The following LGALS3BP variants were observed in gnomAD, a reference collection of about 807,000 sequenced individuals.
The protein encoded by LGALS3BP is galectin-3-binding protein.
Under a neutral mutation model 22.9 loss-of-function variants are expected in LGALS3BP, and 25 were observed. That is an observed-to-expected ratio of 1.09 (90% CI 0.80 to 1.53). The LOEUF is 1.53. LGALS3BP is among the 40% of genes most tolerant of loss of function. The pLI is 0.00. For synonymous variants in LGALS3BP, 335 were observed against 331.1 expected (o/e 1.01, Z -0.13); for missense variants, 718 against 752.0 (o/e 0.95, Z 0.53).
intron 1 of LGALS3BP, among the ~76,000 whole-genome samples, chr17:78,979,073 AGGG>A (rs35058687): frequency 3.4e-5 from 5 of 148,152 alleles, no homozygotes; most frequent in Middle Eastern, 3.4e-3. Flanking sequence ...CAAAAAAAAA[AGGG>A]GGGGGGGCAA....
rs1463866838 is a variant in LGALS3BP, at chr17:78,971,598, G to T, written c.1736C>A (p.Thr579Asn). 6.2e-7 allele frequency: 1 copy of T among 1,613,498 alleles called. No individual in the cohort carries two copies. The highest frequency in any genetic ancestry group is 1.7e-5 in the Admixed American group (1 of 60,020). ...FRTVIRPFYLTNSSGVD is the reference protein window; with the variant it reads ...FRTVIRPFYLNNSSGVD ...CGTCTAGTCCACACCTGAGGAGTTG[G>T]TCAGGTAGAAGGGGCGGATGACCGT... is the stretch of plus-strand genomic sequence containing the variant. Residue 579 changes from threonine to asparagine, a missense_variant, in exon 6 of 6, where the codon ACC becomes AAC. Thr to Asn is a moderately conservative substitution (Grantham distance 65). Transcript: ENST00000262776. The surrounding 1 kb of genome is among the most constrained non-coding windows in gnomAD (Gnocchi z 5.6).
At chr17:78,978,739 C>A (rs181301310) in intron 1 of LGALS3BP, among the ~76,000 whole-genome samples, 2 of 152,168 alleles carry the variant, frequency 1.3e-5, no homozygotes, top group Non-Finnish European at 2.9e-5. Flanking sequence ...TAGGTTTGTC[C>A]GTCCTGGGAG....
chr17:78,973,395 G>T lies in LGALS3BP; in HGVS notation c.377-173C>A, dbSNP rs2070692999. On this transcript the variant is annotated intron_variant, in intron 4 of 5. Transcript: ENST00000262776. This position sits in a 1 kb window ranked among gnomAD's most constrained non-coding sequence, Gnocchi z 5.8. ...CGGAAGTGTCGGATTCCTGGACCCT[G>T]AGGCCCCGCCCCTTCCAGCCCTGGG... is the stretch of plus-strand genomic sequence containing the variant. 1 of 776,296 alleles carries T rather than the reference G, an allele frequency of 1.3e-6. No homozygotes were observed. Among genetic ancestry groups the T allele is most frequent in the African/African-American group, 1.8e-5 (1 of 57,106 alleles). 48.1% of individuals were successfully genotyped at this position (776,296 alleles called of 1,614,324 possible).
In LGALS3BP at chr17:78,972,556, G is replaced by A. The variant is rs150635371; in HGVS notation, c.778C>T (p.Pro260Ser). 8.0e-5 allele frequency: 128 copies of A among 1,604,890 alleles called. No individual in the cohort carries two copies. The highest frequency in any genetic ancestry group is 1.0e-4 in the Non-Finnish European group (120 of 1,173,620). Residue 260 changes from proline (P) to serine (S), a missense_variant, in exon 6 of 6, where the codon CCC becomes TCC. By Grantham distance (74) the Pro-to-Ser change is moderately conservative. Transcript: ENST00000262776. The surrounding 1 kb of genome is among the most constrained non-coding windows in gnomAD (Gnocchi z 5.1). ...ACTGCATAGGCATACAGGTCCAGGGGCATCTGGAACGAGGGGTCCTGGGGG... is the reference window on the plus strand; with the variant it reads ...ACTGCATAGGCATACAGGTCCAGGGACATCTGGAACGAGGGGTCCTGGGGG... ...LLPQDPSFQM[P>S]LDLYAYAVAT...
rs61729727 is a variant in LGALS3BP at position 78,971,723 on chromosome 17, G to A, written c.1611C>T (p.Phe537=). The stretch of plus-strand genomic sequence containing the variant: ...TGGGAATCGCAGCCTTCCAGCCCTC[G>A]AAATCGGTGACGTCTGCCACGAAGA... ...EGLFVADVTD[F]EGWKAAIPSA... Residue 537 remains phenylalanine (F), a synonymous_variant, in exon 6 of 6, where the codon TTC becomes TTT. Coordinates refer to ENST00000262776, the MANE Select transcript of LGALS3BP (RefSeq NM_005567.4). The surrounding 1 kb of genome is among the most constrained non-coding windows in gnomAD (Gnocchi z 5.6). The A allele has an allele frequency of 4.1e-3, 6,671 of 1,614,002 alleles. 235 individuals are homozygous for A. In the African/African-American group the frequency reaches 0.077, roughly 19 times the overall value.
rs373915932 is a variant in LGALS3BP at position 78,977,231 on chromosome 17, C to G, written c.-23-17G>C. The G allele has an allele frequency of 1.4e-5, 23 of 1,605,584 alleles. No individual in the cohort carries two copies. The African/African-American group carries it at 2.9e-4, about 21-fold the overall frequency. On this transcript the variant is annotated splice_polypyrimidine_tract_variant and intron_variant, in intron 1 of 5. Transcript: ENST00000262776. Reference sequence around the variant, plus strand: ...GCCCAGATCCTGCAGCAGACAGAAGCGGAGGGGTGAGGCACGGGAGCCAGA... The same window carrying G: ...GCCCAGATCCTGCAGCAGACAGAAGGGGAGGGGTGAGGCACGGGAGCCAGA...
Position 78,972,769 on chromosome 17 carries a change from T to A in LGALS3BP, c.630-65A>T. 1 of 1,495,572 alleles carries A rather than the reference T, an allele frequency of 6.7e-7. No individual in the cohort carries two copies. Among genetic ancestry groups the A allele is most frequent in the Non-Finnish European group, 8.9e-7 (1 of 1,119,960 alleles). 92.6% of individuals were successfully genotyped at this position (1,495,572 alleles called of 1,614,324 possible). ...ACAGCAGGGGAGCCCTGGGCCCAACTGTCCAACACAGCCACCTGAGTGCAC... is the reference window on the plus strand; with the variant it reads ...ACAGCAGGGGAGCCCTGGGCCCAACAGTCCAACACAGCCACCTGAGTGCAC... On this transcript the variant is annotated intron_variant, in intron 5 of 5. Transcript: ENST00000262776. This position sits in a 1 kb window ranked among gnomAD's most constrained non-coding sequence, Gnocchi z 5.1.
At chr17:78,977,246 C>T (rs1019208394) in intron 1 of LGALS3BP, 32 bp from the exon 2 acceptor site, 42 of 1,584,182 alleles carry the variant, frequency 2.7e-5, no homozygotes, top group South Asian at 2.3e-4. Context: ...GGGTGAGGCA[C>T]GGGAGCCAGA....
At chr17:78,979,003 A>G (rs1367330927) in intron 1 of LGALS3BP, among the ~76,000 whole-genome samples, 1 of 151,894 alleles carries the variant, frequency 6.6e-6, no homozygotes, top group Non-Finnish European at 1.5e-5. Context: ...TGAATCCGGC[A>G]GGCAGAGATT....
Position 78,976,737 on chromosome 17 carries a change from G to T in LGALS3BP, c.52+403C>A. 4.7e-6 allele frequency: 1 copy of T among 210,896 alleles called. No homozygotes were observed. The highest frequency in any genetic ancestry group is 9.7e-6 in the Non-Finnish European group (1 of 103,214). The allele number at this position is 210,896 out of a possible 1,614,324, so 13.1% of individuals were successfully genotyped here. On this transcript the variant is annotated intron_variant, in intron 2 of 5. Transcript: ENST00000262776. This position sits in a 1 kb window ranked among gnomAD's most constrained non-coding sequence, Gnocchi z 4.6. ...TCGGGGGTACATCTGGCTTCCATGG[G>T]GCCCCCAGGATGAGCATGAGCTTCC...
chr17:78,977,383 GC>G (rs1488316194), intron 1 of LGALS3BP, 169 bp from the exon 2 acceptor site: 5 of 604,230 alleles, frequency 8.3e-6, no homozygotes, highest in Non-Finnish European at 1.4e-5. Flanking sequence ...TGCTGTGGAT[GC>G]CCCCGCGGGG....
rs2070692552 is a variant in LGALS3BP at position 78,973,356 on chromosome 17, G to A, written c.377-134C>T. 9.3e-7 allele frequency: 1 copy of A among 1,076,010 alleles called. No homozygotes were observed. Among genetic ancestry groups the A allele is most frequent in the African/African-American group, 1.6e-5 (1 of 62,470 alleles). 66.7% of individuals were successfully genotyped at this position (1,076,010 alleles called of 1,614,324 possible). On this transcript the variant is annotated intron_variant, in intron 4 of 5. Coordinates refer to ENST00000262776, the MANE Select transcript of LGALS3BP (RefSeq NM_005567.4). This position sits in a 1 kb window ranked among gnomAD's most constrained non-coding sequence, Gnocchi z 5.8. ...CTCTGGAAGGCTCCTGGGAAGACGA[G>A]GGACAAGAGAGACCGGAAGTGTCGG... is the stretch of plus-strand genomic sequence containing the variant.
At position 78,973,922 on chromosome 17, in the gene LGALS3BP, C is replaced by G. The variant is rs1011686006; in HGVS notation, c.377-700G>C. Among the ~76,000 whole-genome samples the G allele has an allele frequency of 6.6e-6, 1 of 152,270 alleles. No individual in the cohort carries two copies. Among genetic ancestry groups the G allele is most frequent in the East Asian group, 1.9e-4 (1 of 5,198 alleles). On this transcript the variant is annotated intron_variant, in intron 4 of 5. Transcript: ENST00000262776. This position sits in a 1 kb window ranked among gnomAD's most constrained non-coding sequence, Gnocchi z 5.8. ...TCCCTCCCACCTGCACGCCTTACCA[C>G]AGCTCTCCTGCCCCAGGAGCTTTGG...
chr17:78,971,523 C>A lies in LGALS3BP; in HGVS notation c.*53G>T, dbSNP rs1480035588. 2.0e-6 allele frequency: 3 copies of A among 1,536,914 alleles called. No individual in the cohort carries two copies. The highest frequency in any genetic ancestry group is 2.7e-6 in the Non-Finnish European group (3 of 1,130,482). On this transcript the variant is annotated 3_prime_UTR_variant, in exon 6 of 6. Coordinates refer to ENST00000262776, the MANE Select transcript of LGALS3BP (RefSeq NM_005567.4). This position sits in a 1 kb window ranked among gnomAD's most constrained non-coding sequence, Gnocchi z 5.6. ...GAAGGAAGCCGAGGAGGGGAGCCTG[C>A]AGTGAGGGCGTCCTGGGGTTCTCCG... is the stretch of plus-strand genomic sequence containing the variant.
chr17:78,975,937 C>A, intron 3 of LGALS3BP, 28 bp downstream of exon 3: 2 of 1,561,892 alleles, frequency 1.3e-6, no homozygotes, highest in Non-Finnish European at 1.7e-6. Flanking sequence ...GGGTCTCAGC[C>A]TCAGTGGAAG....
At position 78,976,022 on chromosome 17, in the gene LGALS3BP, G is replaced by A. The variant is rs759471172; in HGVS notation, c.187C>T (p.Arg63Trp). The change falls in exon 3 of 6, where the codon CGG (arginine) becomes TGG (tryptophan). Residue 63 changes from arginine (R) to tryptophan (W), a missense_variant. Transcript: ENST00000262776. This position sits in a 1 kb window ranked among gnomAD's most constrained non-coding sequence, Gnocchi z 4.6. ...GTGGCGTTCTCGAAGCCCAGGGCCC[G>A]GCAGACGACGCTGGCATCAGTCAGG... ...WDLTDASVVCRALGFENATQA... is the reference protein window; with the variant it reads ...WDLTDASVVCWALGFENATQA... 35 of 1,612,520 alleles carry A rather than the reference G, an allele frequency of 2.2e-5. No individual in the cohort carries two copies. The highest frequency in any genetic ancestry group is 1.6e-4 in the Middle Eastern group (1 of 6,080).
In LGALS3BP at chr17:78,972,686, CCTT is replaced by C. The variant is rs1568022764; in HGVS notation, c.645_647del (p.Arg216del). ...TGACTGACGACAGGGTGATGTCAATCCTTCGGGAGTAGAAGTACCTGGGGAGAA... is the reference window on the plus strand; with the variant it reads ...TGACTGACGACAGGGTGATGTCAATCCGGGAGTAGAAGTACCTGGGGAGAA... On this transcript the variant is annotated inframe_deletion, in exon 6 of 6. Coordinates refer to ENST00000262776, the MANE Select transcript of LGALS3BP (RefSeq NM_005567.4). This position sits in a 1 kb window ranked among gnomAD's most constrained non-coding sequence, Gnocchi z 5.1. 5.3e-6 allele frequency: 8 copies of C among 1,518,356 alleles called. No homozygotes were observed. The highest frequency in any genetic ancestry group is 7.1e-6 in the Non-Finnish European group (8 of 1,133,484). 94.1% of individuals were successfully genotyped at this position (1,518,356 alleles called of 1,614,324 possible).
At position 78,979,914 on chromosome 17, in the gene LGALS3BP, CT is replaced by C; in HGVS notation, c.-115del. 6.6e-6 allele frequency: 1 copy of C among 152,276 alleles called. No individual in the cohort carries two copies. Among genetic ancestry groups the C allele is most frequent in the South Asian group, 2.1e-4 (1 of 4,830 alleles). The allele number at this position is 152,276 out of a possible 1,614,324, so 9.4% of individuals were successfully genotyped here. A position where few individuals can be genotyped will look rare whatever the true frequency, so the allele number is the denominator to read the frequency against. On this transcript the variant is annotated 5_prime_UTR_variant, in exon 1 of 6. Coordinates refer to ENST00000262776, the MANE Select transcript of LGALS3BP (RefSeq NM_005567.4). ...GACTGGTCCTTTGACCCAGAAGCCTCTCCCAGTATGGAGCGTGGTCAGGCTG... is the reference window on the plus strand; with the variant it reads ...GACTGGTCCTTTGACCCAGAAGCCTCCCCAGTATGGAGCGTGGTCAGGCTG...
intron 1 of LGALS3BP, among the ~76,000 whole-genome samples, chr17:78,978,916 A>G (rs115899908): frequency 0.011 from 1,710 of 152,122 alleles, 25 homozygotes; most frequent in African/African-American, 0.037. Flanking sequence ...ATACAAAATA[A>G]TAATAATAAT....
Sources: allele counts gnomAD v4.1 joint callset (sites outside exome capture counted in the v4.1 genomes callset), GRCh38; gene constraint gnomAD v4.1.1; non-coding constraint Gnocchi (gnomAD v3.1); transcripts MANE v1.5; gene names NCBI Gene and HGNC (gene_info 2026-07-23, HGNC 2026-07-21).